Variants in BTG4 observed in about 807,000 individuals in gnomAD.
BTG4 encodes the protein protein BTG4.
In BTG4, 10 loss-of-function variants were observed where a neutral mutation model predicts 19.3. The ratio of observed to expected loss-of-function variants is 0.52; its 90% CI spans 0.32 to 0.88. The LOEUF is 0.88. Among genes scored for constraint, BTG4 ranks in the 40% least tolerant of loss-of-function variants. The pLI, the probability that BTG4 is intolerant of heterozygous loss-of-function variation, is 0.04. For missense variants in BTG4, 238 were observed against 281.9 expected (o/e 0.84, Z 1.11); for synonymous variants, 91 against 95.7 (o/e 0.95, Z 0.29).
the BTG4 span, among the ~76,000 whole-genome samples, chr11:111,426,538 G>A: frequency 6.6e-6 from 1 of 152,276 alleles, no homozygotes. Context: ...TCAATCTGTA[G>A]TGTTCCCTTA....
chr11:111,443,401 A>C, the BTG4 span, among the ~76,000 whole-genome samples: 1 of 152,262 alleles, frequency 6.6e-6, no homozygotes, highest in Non-Finnish European at 1.5e-5. Flanking sequence ...GTATTGGTTC[A>C]TTAATTATAA....
the BTG4 span, among the ~76,000 whole-genome samples, chr11:111,430,884 A>G: frequency 3.3e-5 from 5 of 152,214 alleles, no homozygotes; most frequent in South Asian, 4.1e-4. Flanking sequence ...TCACATCACA[A>G]TGCAACCCTT....
intron 5 of BTG4, among the ~76,000 whole-genome samples, chr11:111,479,320 T>C (rs1864590921): frequency 6.6e-6 from 1 of 152,054 alleles, no homozygotes. Flanking sequence ...GAATCAAAGC[T>C]AAGAATAAGC....
At chr11:111,410,235 C>T in the BTG4 span, among the ~76,000 whole-genome samples, 1 of 151,820 alleles carries the variant, frequency 6.6e-6, no homozygotes, top group Non-Finnish European at 1.5e-5. Context: ...TCCCAAGTAG[C>T]TTGGACTACA....
At chr11:111,445,435 G>T in the BTG4 span, among the ~76,000 whole-genome samples, 1 of 152,096 alleles carries the variant, frequency 6.6e-6, no homozygotes, top group South Asian at 2.1e-4. Context: ...AGCCTGTGTG[G>T]GCTGTCACAC....
the BTG4 span, among the ~76,000 whole-genome samples, chr11:111,439,384 C>T: frequency 6.6e-6 from 1 of 152,108 alleles, no homozygotes; most frequent in Non-Finnish European, 1.5e-5. Flanking sequence ...ATCTGGATGC[C>T]CAGAAGGGCT....
intron 5 of BTG4, among the ~76,000 whole-genome samples, chr11:111,471,485 T>C: frequency 6.6e-6 from 1 of 152,170 alleles, no homozygotes; most frequent in Admixed American, 6.5e-5. Context: ...CTCCTTGACA[T>C]ATTTTTTTCA....
the BTG4 span, among the ~76,000 whole-genome samples, chr11:111,406,194 G>GTC: frequency 6.6e-6 from 1 of 152,188 alleles, no homozygotes; most frequent in Non-Finnish European, 1.5e-5. Flanking sequence ...TAGAGACAGA[G>GTC]TCTCTAAACT....
chr11:111,449,495 T>A, the BTG4 span: 1 of 152,194 alleles, frequency 6.6e-6, no homozygotes, highest in Non-Finnish European at 1.5e-5. Context: ...GCCCACGAGG[T>A]AGGAGAATGC....
At chr11:111,504,158 TAGC>T (rs917721573) in intron 1 of BTG4, among the ~76,000 whole-genome samples, 1 of 152,108 alleles carries the variant, frequency 6.6e-6, no homozygotes, top group Non-Finnish European at 1.5e-5. Context: ...ATAGATGTTT[TAGC>T]AAAAGTCCAC....
chr11:111,469,885 G>A (rs1863960635), intron 5 of BTG4: 3 of 152,636 alleles, frequency 2.0e-5, no homozygotes. Flanking sequence ...GTGCTATCCT[G>A]CTGGAAGAGC....
the BTG4 span, among the ~76,000 whole-genome samples, chr11:111,458,988 T>C: frequency 2.0e-5 from 3 of 152,318 alleles, no homozygotes; most frequent in Admixed American, 2.0e-4. Flanking sequence ...ACGCCTGTAA[T>C]CCCAGCACTT....
the BTG4 span, chr11:111,448,446 A>G: frequency 2.9e-3 from 439 of 152,846 alleles, 1 homozygote; most frequent in Admixed American, 9.1e-3. Context: ...CTGTCCCCCT[A>G]CAGGTAGTCT....
At chr11:111,504,824 A>G (rs1359025266) in intron 1 of BTG4, among the ~76,000 whole-genome samples, 6 of 152,046 alleles carry the variant, frequency 3.9e-5, no homozygotes, top group Admixed American at 3.9e-4. Context: ...ATAAACAGTA[A>G]CATTGAAGCT....
At chr11:111,484,911 A>C (rs1235111544) in intron 5 of BTG4, among the ~76,000 whole-genome samples, 1 of 152,178 alleles carries the variant, frequency 6.6e-6, no homozygotes, top group Non-Finnish European at 1.5e-5. Flanking sequence ...AAAGGCACAC[A>C]TAGACTGAAA....
chr11:111,454,818 T>A, the BTG4 span: 1 of 347,350 alleles, frequency 2.9e-6, no homozygotes. Flanking sequence ...TTTCCAAGTG[T>A]CTGGGTTGGG....
chr11:111,497,468 A>G, intron 3 of BTG4, 59 bp from the exon 4 acceptor site: 1 of 1,167,088 alleles, frequency 8.6e-7, no homozygotes, highest in East Asian at 2.7e-5. Flanking sequence ...CAAGATCTCC[A>G]ATCTTTCCTG....
the BTG4 span, among the ~76,000 whole-genome samples, chr11:111,392,251 C>T: frequency 6.9e-6 from 1 of 144,138 alleles, no homozygotes; most frequent in Non-Finnish European, 1.5e-5. Flanking sequence ...GATCTCGGCT[C>T]ACTGCAAGCT....
the BTG4 span, among the ~76,000 whole-genome samples, chr11:111,411,558 GAC>G: frequency 6.6e-6 from 1 of 152,082 alleles, no homozygotes; most frequent in East Asian, 1.9e-4. Flanking sequence ...TCATATCATG[GAC>G]ACACTATCTT....
Sources: gnomAD v4.1 joint callset for allele counts (sites outside exome capture counted in the v4.1 genomes callset) on GRCh38, gnomAD v4.1.1 for gene constraint, MANE v1.5 for transcripts, NCBI Gene and HGNC (gene_info 2026-07-23, HGNC 2026-07-21) for gene names.